METTL3: variants seen among roughly 807,000 people sequenced by gnomAD.
METTL3 encodes N(6)-adenosine-methyltransferase catalytic subunit METTL3.
In METTL3, 42 loss-of-function variants were observed where a neutral mutation model predicts 64.3. The observed-to-expected ratio is 0.65, with a 90% CI of 0.51 to 0.84. METTL3 has a LOEUF of 0.84. METTL3 is among the 40% of genes least tolerant of loss of function. The probability of loss-of-function intolerance (pLI) is 0.00; values close to 1 mark genes in which losing one functional copy is unlikely to be tolerated. For missense variants in METTL3, 435 were observed against 722.3 expected (o/e 0.60, Z 4.56); for synonymous variants, 256 against 263.6 (o/e 0.97, Z 0.28).
At chr14:21,498,761 C>A in intron 10 of METTL3, 1 of 488,202 alleles carries the variant, frequency 2.0e-6, no homozygotes, top group Non-Finnish European at 3.6e-6. Flanking sequence ...TTCAATACAT[C>A]ACAGAATGGC....
chr14:21,506,800 T>C (rs1278370258), intron 1 of METTL3, among the ~76,000 whole-genome samples: 1 of 152,132 alleles, frequency 6.6e-6, no homozygotes, highest in African/African-American at 2.4e-5. Flanking sequence ...GGATGGAGGA[T>C]CACTTGAGCT....
chr14:21,498,861 T>G (rs1891480844), intron 10 of METTL3, 164 bp downstream of exon 10: 3 of 597,536 alleles, frequency 5.0e-6, no homozygotes, highest in Non-Finnish European at 8.9e-6. Flanking sequence ...TAATGAATAT[T>G]TGTAGAATCT....
intron 4 of METTL3, chr14:21,501,439 A>T (rs1891565319): frequency 1.8e-6 from 1 of 551,582 alleles, no homozygotes; most frequent in Admixed American, 3.3e-5. Context: ...TCCTAAGATT[A>T]TCCTCCTTTC....
At chr14:21,500,847 C>G in intron 5 of METTL3, 66 bp downstream of exon 5, 1 of 1,496,560 alleles carries the variant, frequency 6.7e-7, no homozygotes, top group South Asian at 1.2e-5. Context: ...GCTTTCTTAA[C>G]GTGTATGGCT....
rs751656594 is a variant in METTL3, at chr14:21,499,306, C to T, written c.1518G>A (p.Glu506=). 6.2e-7 allele frequency: 1 copy of T among 1,614,172 alleles called. No individual in the cohort carries two copies. The highest frequency in any genetic ancestry group is 8.5e-7 in the Non-Finnish European group (1 of 1,180,034). Residue 506 remains glutamate, a splice_region_variant and synonymous_variant, in exon 9 of 11, where the codon GAG becomes GAA. Transcript: ENST00000298717. ...QGLDCDVIVA[E]VRSTSHKPDE... The stretch of plus-strand genomic sequence containing the variant: ...CTTTGGAGGCCTGGGAAGCACATAC[C>T]TCAGCTACGATCACATCACAATCCA...
intron 8 of METTL3, 56 bp from the exon 9 acceptor site, chr14:21,499,427 CAGTA>C (rs1236418309): frequency 4.2e-5 from 67 of 1,611,476 alleles, no homozygotes; most frequent in Non-Finnish European, 5.3e-5. Context: ...AACTTTTTCT[CAGTA>C]AGAAATCAAA....
At position 21,503,249 on chromosome 14, in the gene METTL3, T is replaced by C; in HGVS notation, c.647A>G (p.His216Arg). Residue 216 changes from histidine to arginine, a missense_variant, in exon 3 of 11, where the codon CAT becomes CGT. Around this residue, in one of 9 missense-constraint regions of METTL3, gnomAD observed 228 missense variants for 279.6 expected, o/e 0.82. Transcript: ENST00000298717. ...AKEPAKKSRK[H>R]AASDVDLEIE... Reference sequence around the variant, plus strand: ...CTCCAGATCAACATCTGAGGCAGCATGTTTCCTTGATTTCTTGGCTGGCTC... The same window carrying C: ...CTCCAGATCAACATCTGAGGCAGCACGTTTCCTTGATTTCTTGGCTGGCTC... 6.2e-7 allele frequency: 1 copy of C among 1,614,198 alleles called. No individual in the cohort carries two copies. Among genetic ancestry groups the C allele is most frequent in the East Asian group, 2.2e-5 (1 of 44,888 alleles).
At position 21,500,478 on chromosome 14, in the gene METTL3, T is replaced by C; in HGVS notation, c.1304+17A>G. 1 of 1,613,498 alleles carries C rather than the reference T, an allele frequency of 6.2e-7. No individual in the cohort carries two copies. Among genetic ancestry groups the C allele is most frequent in the Non-Finnish European group, 8.5e-7 (1 of 1,179,402 alleles). On this transcript the variant is annotated intron_variant, in intron 6 of 10. Transcript: ENST00000298717. The stretch of plus-strand genomic sequence containing the variant: ...TGTACTGTATCTGTCCATACCTACG[T>C]AACTGAATTGCATTACCTGCCTGTG...
intron 7 of METTL3, 26 bp from the exon 8 acceptor site, chr14:21,499,626 A>G (rs2139639426): frequency 6.2e-7 from 1 of 1,607,344 alleles, no homozygotes; most frequent in East Asian, 2.2e-5. Flanking sequence ...AAGAACTAGA[A>G]TTTTAGCCAA....
In METTL3 at chr14:21,502,268, C is replaced by T. The variant is rs538664458; in HGVS notation, c.724-365G>A. Reference sequence around the variant, plus strand: ...TGAACTCCTCGCCTCAGGTGATCCTCGCGCCTTGGCCTCCCAAAGTGTTGA... The same window carrying T: ...TGAACTCCTCGCCTCAGGTGATCCTTGCGCCTTGGCCTCCCAAAGTGTTGA... On this transcript the variant is annotated intron_variant, in intron 3 of 10. Transcript: ENST00000298717. 8 of 184,076 alleles carry T rather than the reference C, an allele frequency of 4.3e-5. No individual in the cohort carries two copies. In the East Asian group the frequency reaches 1.3e-3, roughly 30 times the overall value. The allele number at this position is 184,076 out of a possible 1,614,324, so 11.4% of individuals were successfully genotyped here.
At chr14:21,511,076 G>GC (rs1293296882) in intron 1 of METTL3, 48 bp downstream of exon 1, 1 of 1,598,956 alleles carries the variant, frequency 6.3e-7, no homozygotes, top group South Asian at 1.1e-5. Context: ...TAGGGATCCC[G>GC]CCCGTCCTCC....
intron 1 of METTL3, chr14:21,510,569 A>G (rs1258084952): frequency 6.6e-6 from 1 of 152,236 alleles, no homozygotes; most frequent in Non-Finnish European, 1.5e-5. Flanking sequence ...CCAAACACAA[A>G]TGTTTTCAGA....
intron 5 of METTL3, 63 bp downstream of exon 5, chr14:21,500,850 G>T: frequency 6.6e-7 from 1 of 1,515,710 alleles, no homozygotes; most frequent in Non-Finnish European, 9.0e-7. Context: ...TTCTTAACGT[G>T]TATGGCTGCC....
In METTL3 at chr14:21,501,039, G is replaced by A; in HGVS notation, c.990C>T (p.His330=). ...CFHMDTCKYV[H]YEIDACMDSE... The stretch of plus-strand genomic sequence containing the variant: ...AATCCATGCAAGCATCAATTTCATA[G>A]TGAACATACTTGCAGGTATCCATGT... Residue 330 remains histidine, a synonymous_variant, in exon 5 of 11, where the codon CAC becomes CAT. Transcript: ENST00000298717. The A allele has an allele frequency of 6.2e-7, 1 of 1,614,106 alleles. No homozygotes were observed. Among genetic ancestry groups the A allele is most frequent in the Non-Finnish European group, 8.5e-7 (1 of 1,179,982 alleles).
At chr14:21,504,704 G>A (rs1475931060) in intron 1 of METTL3, 1 of 152,134 alleles carries the variant, frequency 6.6e-6, no homozygotes, top group East Asian at 1.9e-4. Flanking sequence ...GCCAAGGTGG[G>A]TGGATCACTT....
chr14:21,510,061 C>G (rs1392859308), intron 1 of METTL3, among the ~76,000 whole-genome samples: 1 of 152,218 alleles, frequency 6.6e-6, no homozygotes, highest in Non-Finnish European at 1.5e-5. Context: ...CTTGTTACTT[C>G]TCTTCATTGT....
chr14:21,510,120 T>C (rs17106871), intron 1 of METTL3, among the ~76,000 whole-genome samples: 7,292 of 152,330 alleles, frequency 0.048, 584 homozygotes, highest in African/African-American at 0.17. Context: ...TCTTATCATA[T>C]TCCTCACTTT....
At position 21,511,227 on chromosome 14, in the gene METTL3, A is replaced by G; in HGVS notation, c.-4T>C. ...TAGAGCTCCACGTGTCCGACATCCT[A>G]GTCTCCCAGCCCTGACACCTCTCGA... On this transcript the variant is annotated 5_prime_UTR_variant, in exon 1 of 11. Transcript: ENST00000298717. 2 of 1,613,208 alleles carry G rather than the reference A, an allele frequency of 1.2e-6. No homozygotes were observed. The highest frequency in any genetic ancestry group is 1.7e-6 in the Non-Finnish European group (2 of 1,179,674).
At chr14:21,503,934 T>A (rs1891635478) in intron 1 of METTL3, 53 bp from the exon 2 acceptor site, 1 of 1,542,918 alleles carries the variant, frequency 6.5e-7, no homozygotes, top group African/African-American at 1.4e-5. Context: ...TTGGTCTATA[T>A]ATTTCTGAGA....
Sources: allele counts gnomAD v4.1 joint callset (sites outside exome capture counted in the v4.1 genomes callset), GRCh38; gene constraint gnomAD v4.1.1; regional missense constraint gnomAD v4.1.1; transcripts MANE v1.5; gene names NCBI Gene and HGNC (gene_info 2026-07-23, HGNC 2026-07-21).